The following VPS13A variants were observed in gnomAD, a reference collection of about 807,000 sequenced individuals.
VPS13A encodes vacuolar protein sorting 13 homolog A.
In VPS13A, 264 loss-of-function variants were observed where a neutral mutation model predicts 390.9. That is an observed-to-expected ratio of 0.68 (90% CI 0.61 to 0.75). The LOEUF (loss-of-function observed/expected upper bound fraction) is 0.75. Among genes scored for constraint, VPS13A ranks in the 30% least tolerant of loss-of-function variants. The pLI, the probability that VPS13A is intolerant of heterozygous loss-of-function variation, is 0.00. For synonymous variants in VPS13A, 1,231 were observed against 1,227.1 expected, an observed-to-expected ratio of 1.00 and a Z score of -0.07; for missense variants, 3,409 against 3,733.9, an observed-to-expected ratio of 0.91 and a Z score of 2.27.
At chr9:77,240,201 G>A (rs1188304170) in intron 19 of VPS13A, among the ~76,000 whole-genome samples, 1 of 148,120 alleles carries the variant, frequency 6.8e-6, no homozygotes, top group East Asian at 2.0e-4. Flanking sequence ...TCCTGCCTCA[G>A]CCTCCCGAGT....
At chr9:77,247,644 CTGAT>C (rs887422189) in intron 20 of VPS13A, among the ~76,000 whole-genome samples, 68 of 152,046 alleles carry the variant, frequency 4.5e-4, no homozygotes, top group Middle Eastern at 6.8e-3. Flanking sequence ...GCTTGATTGA[CTGAT>C]TGATTGATTG....
intron 20 of VPS13A, 48 bp downstream of exon 20, chr9:77,247,443 C>A: frequency 6.6e-7 from 1 of 1,522,358 alleles, no homozygotes; most frequent in Non-Finnish European, 8.9e-7. Context: ...TGGGGTGTTT[C>A]TTTGTTTTAA....
intron 17 of VPS13A, 29 bp downstream of exon 17, chr9:77,228,293 T>G (rs1299498737): frequency 6.4e-7 from 1 of 1,550,596 alleles, no homozygotes; most frequent in Non-Finnish European, 8.7e-7. Flanking sequence ...TTTTTTATCA[T>G]ATATGAAAAA....
At position 77,367,954 on chromosome 9, in the gene VPS13A, G is replaced by T. The variant is rs540340551; in HGVS notation, c.8472-101G>T. On this transcript the variant is annotated intron_variant, in intron 61 of 71. Coordinates refer to ENST00000360280, the MANE Select transcript of VPS13A (RefSeq NM_033305.3). Reference sequence around the variant, plus strand: ...ATGGGAAAATGTACTAGAAGGAAAGGTTTGGAGAAAAGATTCTAAAGAAAA... The same window carrying T: ...ATGGGAAAATGTACTAGAAGGAAAGTTTTGGAGAAAAGATTCTAAAGAAAA... The T allele has an allele frequency of 1.4e-5, 16 of 1,125,350 alleles. No individual in the cohort carries two copies. In the East Asian group the frequency reaches 3.6e-4, roughly 26 times the overall value. The allele number at this position is 1,125,350 out of a possible 1,614,324, so 69.7% of individuals were successfully genotyped here. A position where few individuals can be genotyped will look rare whatever the true frequency, so the allele number is the denominator to read the frequency against.
At chr9:77,334,122 C>CTT (rs1830419003) in intron 46 of VPS13A, among the ~76,000 whole-genome samples, 1 of 152,002 alleles carries the variant, frequency 6.6e-6, no homozygotes, top group Non-Finnish European at 1.5e-5. Flanking sequence ...AAAAGGCTAT[C>CTT]TAAGAGGAAG....
In VPS13A at chr9:77,313,880, A is replaced by T. The variant is rs957480691; in HGVS notation, c.4115-112A>T. The T allele has an allele frequency of 1.3e-5, 15 of 1,167,128 alleles. No homozygotes were observed. In the African/African-American group the frequency reaches 2.2e-4, roughly 17 times the overall value. The allele number at this position is 1,167,128 out of a possible 1,614,324, so 72.3% of individuals were successfully genotyped here. Reference sequence around the variant, plus strand: ...ATTTTCTAATATTTTATTTTCTTGAATGTCATTTTACTATACCTGTTTAAT... The same window carrying T: ...ATTTTCTAATATTTTATTTTCTTGATTGTCATTTTACTATACCTGTTTAAT... On this transcript the variant is annotated intron_variant, in intron 35 of 71. Coordinates refer to ENST00000360280, the MANE Select transcript of VPS13A (RefSeq NM_033305.3).
chr9:77,198,119 A>T (rs1315824353), intron 1 of VPS13A, among the ~76,000 whole-genome samples: 2 of 152,208 alleles, frequency 1.3e-5, no homozygotes, highest in Non-Finnish European at 2.9e-5. Flanking sequence ...TGTTTTGATT[A>T]AAAGGTAACT....
chr9:77,234,916 T>C (rs1480013351), intron 17 of VPS13A, among the ~76,000 whole-genome samples: 3 of 152,314 alleles, frequency 2.0e-5, no homozygotes, highest in South Asian at 4.2e-4. Context: ...AACTTAACTT[T>C]AATAGTGTAT....
chr9:77,216,447 C>T (rs1822867438), intron 10 of VPS13A, among the ~76,000 whole-genome samples: 10 of 152,066 alleles, frequency 6.6e-5, no homozygotes, highest in Admixed American at 6.6e-4. Flanking sequence ...AAACGGGGGA[C>T]AGTTTCTGGA....
At chr9:77,292,389 A>G (rs1827730142) in intron 31 of VPS13A, among the ~76,000 whole-genome samples, 1 of 151,858 alleles carries the variant, frequency 6.6e-6, no homozygotes, top group Non-Finnish European at 1.5e-5. Flanking sequence ...TTGTCCTTAG[A>G]TTTTTAGGGA....
Position 77,247,378 on chromosome 9 carries a change from G to A in VPS13A, c.2020G>A (p.Asp674Asn). 6.2e-7 allele frequency: 1 copy of A among 1,612,022 alleles called. No individual in the cohort carries two copies. Among genetic ancestry groups the A allele is most frequent in the Non-Finnish European group, 8.5e-7 (1 of 1,179,046 alleles). ...TCCTACATCAAATCTGCTTCTTTTG[G>A]ACCTTGGTCATCTAAAGGTATATAC... ...FSPTSNLLLL[D>N]LGHLKVTSKS... Residue 674 changes from aspartate (D) to asparagine (N), a missense_variant, in exon 20 of 72, where the codon GAC becomes AAC. Asp to Asn is a conservative substitution (Grantham distance 23). Transcript: ENST00000360280.
chr9:77,353,461 T>A lies in VPS13A; in HGVS notation c.7472T>A (p.Phe2491Tyr). 6.2e-7 allele frequency: 1 copy of A among 1,612,816 alleles called. No homozygotes were observed. The highest frequency in any genetic ancestry group is 8.5e-7 in the Non-Finnish European group (1 of 1,179,328). ...GAAAAGACAATATATTTAGTTTCAT[T>A]CTTTGAAGGTTTACAACGCATTATT... ...LGEKTIYLVS[F>Y]FEGLQRIILF... The change falls in exon 54 of 72, where the codon TTC (phenylalanine) becomes TAC (tyrosine). Residue 2491 changes from phenylalanine to tyrosine, a missense_variant. Phe to Tyr is a conservative substitution (Grantham distance 22). Around this residue, in one of 5 missense-constraint regions of VPS13A, gnomAD observed 221 missense variants for 300.7 expected, o/e 0.73. Transcript: ENST00000360280.
intron 10 of VPS13A, among the ~76,000 whole-genome samples, chr9:77,217,205 G>T (rs937515546): frequency 1.3e-5 from 2 of 152,192 alleles, no homozygotes; most frequent in Admixed American, 1.3e-4. Context: ...TATTCTCAAA[G>T]TATGGTTCAA....
At chr9:77,295,244 G>T (rs555501767) in intron 32 of VPS13A, among the ~76,000 whole-genome samples, 1 of 152,112 alleles carries the variant, frequency 6.6e-6, no homozygotes, top group South Asian at 2.1e-4. Flanking sequence ...GAGAAATAGG[G>T]TTGTTTTTCA....
At chr9:77,187,487 T>C (rs1427903611) in intron 1 of VPS13A, among the ~76,000 whole-genome samples, 2 of 152,164 alleles carry the variant, frequency 1.3e-5, no homozygotes, top group African/African-American at 2.4e-5. Flanking sequence ...ATGTTGAACA[T>C]CTTTTCATGG....
At chr9:77,329,126 G>A (rs1221606887) in intron 45 of VPS13A, among the ~76,000 whole-genome samples, 1 of 152,136 alleles carries the variant, frequency 6.6e-6, no homozygotes, top group Non-Finnish European at 1.5e-5. Flanking sequence ...CTTGACACAT[G>A]GGGATTGTGG....
At chr9:77,321,351 T>C in intron 43 of VPS13A, 24 bp downstream of exon 43, 1 of 1,591,782 alleles carries the variant, frequency 6.3e-7, no homozygotes, top group South Asian at 1.1e-5. Context: ...TTTGAAACTT[T>C]AAATATTGAG....
rs1349342454 is a variant in VPS13A, at chr9:77,177,619, C to G, written c.-86C>G. On this transcript the variant is annotated 5_prime_UTR_variant, in exon 1 of 72. Transcript: ENST00000360280. ...TGAAGCCGCCCCGGAGCCGGTGAACCGAATTACCTCGAGGGAGGGGCGTGG... is the reference window on the plus strand; with the variant it reads ...TGAAGCCGCCCCGGAGCCGGTGAACGGAATTACCTCGAGGGAGGGGCGTGG... The G allele has an allele frequency of 5.4e-6, 7 of 1,297,990 alleles. No individual in the cohort carries two copies. The highest frequency in any genetic ancestry group is 7.7e-6 in the Non-Finnish European group (7 of 913,774). 80.4% of individuals were successfully genotyped at this position (1,297,990 alleles called of 1,614,324 possible). A position where few individuals can be genotyped will look rare whatever the true frequency, so the allele number is the denominator to read the frequency against.
rs11145364 is a variant in VPS13A at position 77,281,650 on chromosome 9, G to A, written c.2905-217G>A. Among the ~76,000 whole-genome samples, 15,509 of 151,728 alleles carry A rather than the reference G, an allele frequency of 0.1. 820 individuals are homozygous for A. The highest frequency in any genetic ancestry group is 0.13 in the Middle Eastern group (38 of 292). ...AGTACGTAACATTTATTGAATACTT[G>A]CTATGTGCCAGAGAGTCCAATACTT... On this transcript the variant is annotated intron_variant, in intron 27 of 71. Transcript: ENST00000360280.
Sources: allele counts gnomAD v4.1 joint callset (sites outside exome capture counted in the v4.1 genomes callset), GRCh38; gene constraint gnomAD v4.1.1; regional missense constraint gnomAD v4.1.1; transcripts MANE v1.5; gene names NCBI Gene and HGNC (gene_info 2026-07-23, HGNC 2026-07-21).